Variants in NELFA observed in about 807,000 individuals in gnomAD.
The protein encoded by NELFA is negative elongation factor complex member A.
In NELFA, 35 loss-of-function variants were observed where a neutral mutation model predicts 51.8. The ratio of observed to expected loss-of-function variants is 0.68; its 90% CI spans 0.52 to 0.90. NELFA has a LOEUF of 0.90. NELFA is among the 40% of genes least tolerant of loss of function. The probability of loss-of-function intolerance (pLI) is 0.00; values close to 1 mark genes in which losing one functional copy is unlikely to be tolerated. For synonymous variants in NELFA, 417 were observed against 338.4 expected (o/e 1.23, Z -2.55); for missense variants, 658 against 746.4 (o/e 0.88, Z 1.38).
intron 3 of NELFA, 35 bp from the exon 4 acceptor site, chr4:1,988,042 C>G (rs1186052693): frequency 1.9e-6 from 3 of 1,572,362 alleles, no homozygotes; most frequent in Admixed American, 1.7e-5. Flanking sequence ...CAGGGATCCT[C>G]AGAGCGAGAG....
intron 1 of NELFA, among the ~76,000 whole-genome samples, chr4:2,000,920 G>T (rs1282853088): frequency 6.6e-6 from 1 of 152,196 alleles, no homozygotes; most frequent in Non-Finnish European, 1.5e-5. Context: ...ACCGAATCCA[G>T]CAGCACATCA....
chr4:2,002,175 G>C (rs990360961), intron 1 of NELFA, among the ~76,000 whole-genome samples: 1 of 152,032 alleles, frequency 6.6e-6, no homozygotes, highest in Non-Finnish European at 1.5e-5. Flanking sequence ...ACTCCAGCCT[G>C]GGCGACAAAG....
chr4:1,993,547 C>T (rs1041103499), intron 1 of NELFA, among the ~76,000 whole-genome samples: 4 of 142,824 alleles, frequency 2.8e-5, no homozygotes, highest in African/African-American at 1.0e-4. Flanking sequence ...CATTGCACTC[C>T]AACCTGGGCA....
intron 1 of NELFA, among the ~76,000 whole-genome samples, chr4:1,996,132 T>C (rs1577623764): frequency 6.6e-6 from 1 of 152,192 alleles, no homozygotes; most frequent in South Asian, 2.1e-4. Context: ...AAACTGACCA[T>C]ACATTTTGCC....
intron 4 of NELFA, 174 bp from the exon 5 acceptor site, chr4:1,986,576 G>A (rs1044736580): frequency 2.0e-5 from 20 of 1,002,090 alleles, no homozygotes; most frequent in East Asian, 1.6e-4. Flanking sequence ...GCAGGGGAAC[G>A]CCTGGAGCCA....
intron 7 of NELFA, among the ~76,000 whole-genome samples, chr4:1,985,215 A>G (rs951619137): frequency 3.3e-5 from 5 of 152,194 alleles, no homozygotes; most frequent in Admixed American, 2.6e-4. Context: ...CGAAGCGTTG[A>G]TATAAAGGAA....
At chr4:1,991,428 G>T in intron 2 of NELFA, 116 bp downstream of exon 2, 1 of 1,062,892 alleles carries the variant, frequency 9.4e-7, no homozygotes, top group Non-Finnish European at 1.4e-6. Flanking sequence ...ATATTCTAGG[G>T]ACCAGGACAC....
intron 4 of NELFA, 71 bp from the exon 5 acceptor site, chr4:1,986,473 G>T (rs369985875): frequency 4.4e-6 from 7 of 1,606,074 alleles, no homozygotes; most frequent in Non-Finnish European, 5.9e-6. Context: ...AGCTCAGAAC[G>T]TCCCACCCTC....
intron 1 of NELFA, among the ~76,000 whole-genome samples, chr4:2,006,278 A>G (rs1469673436): frequency 6.6e-6 from 1 of 152,250 alleles, no homozygotes; most frequent in East Asian, 1.9e-4. Context: ...GTGGAAAATT[A>G]GACTCCCTGC....
At position 2,004,809 on chromosome 4, in the gene NELFA, C is replaced by CT. The variant is rs760686190; in HGVS notation, c.210+3940dup. On this transcript the variant is annotated intron_variant, in intron 1 of 10. Coordinates refer to ENST00000382882, the MANE Select transcript of NELFA (RefSeq NM_005663.5). ...AGCTATACATTATATTTTAATAAAGCTTTTTTTTTTTTTTTGGAGACAGAG... is the reference window on the plus strand; with the variant it reads ...AGCTATACATTATATTTTAATAAAGCTTTTTTTTTTTTTTTTGGAGACAGAG... Among the ~76,000 whole-genome samples, 669 of 119,544 alleles carry CT rather than the reference C, an allele frequency of 5.6e-3. 1 individual carries two copies. Among genetic ancestry groups the CT allele is most frequent in the African/African-American group, 0.012 (379 of 31,694 alleles). The allele number at this position is 119,544 out of a possible 152,430, so 78.4% of individuals were successfully genotyped here.
At position 1,983,722 on chromosome 4, in the gene NELFA, C is replaced by T. The variant is rs1487687962; in HGVS notation, c.1303-27G>A. ...TACAGCGGGGAGAGGGGTGTGGGTG[C>T]CAGGGCCCCGCCAGGACCACCTCCT... is the stretch of plus-strand genomic sequence containing the variant. On this transcript the variant is annotated intron_variant, in intron 9 of 10. Transcript: ENST00000382882. 5 of 1,611,380 alleles carry T rather than the reference C, an allele frequency of 3.1e-6. No homozygotes were observed. The African/African-American group carries it at 6.7e-5, about 22-fold the overall frequency.
chr4:1,991,563 C>G lies in NELFA; in HGVS notation c.363G>C (p.Leu121Phe). 1 of 1,613,982 alleles carries G rather than the reference C, an allele frequency of 6.2e-7. No individual in the cohort carries two copies. Among genetic ancestry groups the G allele is most frequent in the South Asian group, 1.1e-5 (1 of 91,074 alleles). Residue 121 changes from leucine to phenylalanine, a missense_variant, in exon 2 of 11, where the codon TTG (leucine) becomes TTC (phenylalanine). Transcript: ENST00000382882. ...ACATACCCTTTTCTCTAAGTTCTCC[C>G]AAAATATCCTGAACGTTGGGATTCT... ...EEQNPNVQDI[L>F]GELREKVGEC...
In NELFA at chr4:1,989,494, A is replaced by C. The variant is rs1296678266; in HGVS notation, c.544+214T>G. On this transcript the variant is annotated intron_variant, in intron 3 of 10. Coordinates refer to ENST00000382882, the MANE Select transcript of NELFA (RefSeq NM_005663.5). The surrounding 1 kb of genome is among the most constrained non-coding windows in gnomAD (Gnocchi z 4.8). Reference sequence around the variant, plus strand: ...AGGCACGCACCACCATGCCCGGCTAATGTTTTGGTACTTTTGGTAGAGATG... The same window carrying C: ...AGGCACGCACCACCATGCCCGGCTACTGTTTTGGTACTTTTGGTAGAGATG... Among the ~76,000 whole-genome samples the C allele has an allele frequency of 6.6e-6, 1 of 151,744 alleles. No individual in the cohort carries two copies. Among genetic ancestry groups the C allele is most frequent in the Non-Finnish European group, 1.5e-5 (1 of 67,946 alleles).
Position 1,986,290 on chromosome 4 carries a change from C to A in NELFA, c.747G>T (p.Arg249=), listed in dbSNP as rs1728092261. ...GGCCTACCTTCACACCTCGTTCCTT[C>A]CGCAGCAGCGTCCTGGAAGGCGGGA... ...TPIPPSRTLL[R]KERGVKLLDI... The change falls in exon 5 of 11, where the codon CGG becomes CGT. Residue 249 remains arginine, a synonymous_variant. Coordinates refer to ENST00000382882, the MANE Select transcript of NELFA (RefSeq NM_005663.5). The A allele has an allele frequency of 1.3e-6, 2 of 1,585,220 alleles. No homozygotes were observed. Among genetic ancestry groups the A allele is most frequent in the Admixed American group, 3.6e-5 (2 of 56,046 alleles).
At position 2,008,789 on chromosome 4, in the gene NELFA, T is replaced by C; in HGVS notation, c.171A>G (p.Leu57=). 1 of 1,612,400 alleles carries C rather than the reference T, an allele frequency of 6.2e-7. No homozygotes were observed. The highest frequency in any genetic ancestry group is 2.2e-5 in the East Asian group (1 of 44,800). The part of the protein sequence containing the change: ...GLSSAVKLKL[L]LGTLHLPRRT... ...GGCGCGGGAGGTGCAGCGTCCCGAG[T>C]AGCAACTTGAGCTTCACTGCCGACG... The change falls in exon 1 of 11, where the codon CTA becomes CTG. Residue 57 remains leucine (L), a synonymous_variant. Transcript: ENST00000382882.
At chr4:1,991,944 G>A in intron 1 of NELFA, 2 of 471,538 alleles carry the variant, frequency 4.2e-6, no homozygotes, top group African/African-American at 2.0e-5. Flanking sequence ...GGCATCCGGT[G>A]CCCTCCCAGC....
At chr4:2,003,676 G>C (rs183327497) in intron 1 of NELFA, among the ~76,000 whole-genome samples, 243 of 152,128 alleles carry the variant, frequency 1.6e-3, no homozygotes, top group Non-Finnish European at 3.1e-3. Context: ...GCAGGTAGTT[G>C]AACACTGAGA....
At chr4:2,007,868 A>G (rs1728751086) in intron 1 of NELFA, 1 of 416,912 alleles carries the variant, frequency 2.4e-6, no homozygotes, top group African/African-American at 2.1e-5. Context: ...AGGAACGTTT[A>G]AACAACCATG....
intron 7 of NELFA, among the ~76,000 whole-genome samples, chr4:1,985,334 C>T (rs1728052385): frequency 6.6e-6 from 1 of 152,200 alleles, no homozygotes; most frequent in East Asian, 1.9e-4. Context: ...CTCAGACGAC[C>T]CACTGCAGCC....
Sources: gnomAD v4.1 joint callset for allele counts (sites outside exome capture counted in the v4.1 genomes callset) on GRCh38, gnomAD v4.1.1 for gene constraint, Gnocchi (gnomAD v3.1) non-coding constraint, MANE v1.5 for transcripts, NCBI Gene and HGNC (gene_info 2026-07-23, HGNC 2026-07-21) for gene names.